Variants in XKR4 observed in about 807,000 individuals in gnomAD.
XKR4 encodes the protein XK related 4.
Under a neutral mutation model 53.9 loss-of-function variants are expected in XKR4, and 12 were observed. The observed-to-expected ratio is 0.22, with a 90% CI of 0.14 to 0.36. The LOEUF (loss-of-function observed/expected upper bound fraction) is 0.36. Among genes scored for constraint, XKR4 ranks in the 10% least tolerant of loss-of-function variants. The probability of loss-of-function intolerance (pLI) is 1.00; values close to 1 mark genes in which losing one functional copy is unlikely to be tolerated. For missense variants in XKR4, 799 were observed against 859.5 expected (o/e 0.93, Z 0.88); for synonymous variants, 354 against 362.4 (o/e 0.98, Z 0.26).
chr8:55,484,582 T>C (rs1233315731), intron 2 of XKR4, among the ~76,000 whole-genome samples: 2 of 152,206 alleles, frequency 1.3e-5, no homozygotes, highest in Non-Finnish European at 2.9e-5. Flanking sequence ...CATGACATGA[T>C]GTTTAATTTT....
chr8:55,472,323 A>T (rs1031867967), intron 2 of XKR4, among the ~76,000 whole-genome samples: 9 of 152,190 alleles, frequency 5.9e-5, no homozygotes, highest in African/African-American at 2.2e-4. Flanking sequence ...ACAATTCTCC[A>T]CATGCTAGTT....
chr8:55,268,288 G>A (rs1026251525), intron 1 of XKR4, among the ~76,000 whole-genome samples: 1 of 152,086 alleles, frequency 6.6e-6, no homozygotes, highest in African/African-American at 2.4e-5. Context: ...CATTTTAATT[G>A]AGATCTAGCA....
At chr8:55,126,070 C>A (rs1816464253) in intron 1 of XKR4, among the ~76,000 whole-genome samples, 1 of 151,838 alleles carries the variant, frequency 6.6e-6, no homozygotes, top group Non-Finnish European at 1.5e-5. Flanking sequence ...TCTGGTGCAT[C>A]TTATGTGATA....
intron 1 of XKR4, among the ~76,000 whole-genome samples, chr8:55,218,688 A>G (rs1372727005): frequency 6.6e-6 from 1 of 152,236 alleles, no homozygotes; most frequent in Admixed American, 6.5e-5. Flanking sequence ...TTCATACAGA[A>G]CATTTCAGTG....
intron 2 of XKR4, among the ~76,000 whole-genome samples, chr8:55,466,172 A>G (rs2129399138): frequency 6.6e-6 from 1 of 152,260 alleles, no homozygotes; most frequent in Non-Finnish European, 1.5e-5. Flanking sequence ...ATGCTGCTAT[A>G]AAGACACATG....
At chr8:55,164,133 C>T (rs994081305) in intron 1 of XKR4, 1 of 453,834 alleles carries the variant, frequency 2.2e-6, no homozygotes. Flanking sequence ...AGCCCCAGAC[C>T]AGCCCTACAG....
intron 1 of XKR4, among the ~76,000 whole-genome samples, chr8:55,357,080 G>A (rs754022045): frequency 6.6e-6 from 1 of 152,136 alleles, no homozygotes; most frequent in Non-Finnish European, 1.5e-5. Flanking sequence ...TAGTGAAGTG[G>A]AGAGTCAAAA....
At chr8:55,365,346 T>C (rs1563333492) in intron 2 of XKR4, among the ~76,000 whole-genome samples, 1 of 152,222 alleles carries the variant, frequency 6.6e-6, no homozygotes, top group Non-Finnish European at 1.5e-5. Flanking sequence ...TGGATTTTGC[T>C]TTTTGTGATG....
intron 2 of XKR4, among the ~76,000 whole-genome samples, chr8:55,478,706 T>C (rs1325204417): frequency 6.6e-6 from 1 of 151,976 alleles, no homozygotes; most frequent in Non-Finnish European, 1.5e-5. Context: ...TGGAGGAAGA[T>C]CTACCAAGCA....
intron 1 of XKR4, among the ~76,000 whole-genome samples, chr8:55,314,922 C>T (rs563450322): frequency 1.3e-5 from 2 of 152,240 alleles, no homozygotes; most frequent in East Asian, 1.9e-4. Flanking sequence ...GAATGTGTAT[C>T]CAGAGGGACT....
intron 2 of XKR4, among the ~76,000 whole-genome samples, chr8:55,497,953 G>A (rs1806379835): frequency 6.6e-6 from 1 of 152,040 alleles, no homozygotes; most frequent in African/African-American, 2.4e-5. Context: ...CCCCATCCCC[G>A]CTGCTGTTCC....
chr8:55,363,824 A>G (rs1049981242), intron 2 of XKR4, among the ~76,000 whole-genome samples: 3 of 152,092 alleles, frequency 2.0e-5, no homozygotes, highest in Admixed American at 2.0e-4. Flanking sequence ...GGATCTGCCT[A>G]CTCTGCAGTT....
chr8:55,370,657 T>G (rs1191384945), intron 2 of XKR4, among the ~76,000 whole-genome samples: 3 of 152,194 alleles, frequency 2.0e-5, no homozygotes, highest in Non-Finnish European at 4.4e-5. Flanking sequence ...GATTTTTTTC[T>G]TTGTCTTTCT....
chr8:55,436,423 T>A (rs970459977), intron 2 of XKR4, among the ~76,000 whole-genome samples: 1 of 152,204 alleles, frequency 6.6e-6, no homozygotes, highest in Non-Finnish European at 1.5e-5. Flanking sequence ...CCTGATCAGA[T>A]GCCTATATTT....
At chr8:55,247,855 C>CTTTTTTTTTTTTTTTTTTTTT (rs1166258777) in intron 1 of XKR4, among the ~76,000 whole-genome samples, 1 of 59,856 alleles carries the variant, frequency 1.7e-5, no homozygotes, top group African/African-American at 4.5e-5. Flanking sequence ...TTCTTTCTTT[C>CTTTTTTTTTTTTTTTTTTTTT]TTTTTTTTTT....
chr8:55,411,387 G>C (rs78831878), intron 2 of XKR4, among the ~76,000 whole-genome samples: 1 of 152,154 alleles, frequency 6.6e-6, no homozygotes, highest in African/African-American at 2.4e-5. Context: ...CTCAGTGAGC[G>C]TGAGCTTTGA....
chr8:55,192,873 G>A (rs1484064549), intron 1 of XKR4, among the ~76,000 whole-genome samples: 2 of 152,224 alleles, frequency 1.3e-5, no homozygotes, highest in Admixed American at 1.3e-4. Flanking sequence ...GGAAGAGGCT[G>A]TGGGGGCTTT....
chr8:55,116,412 G>A (rs118023570), intron 1 of XKR4, among the ~76,000 whole-genome samples: 1,940 of 152,230 alleles, frequency 0.013, 24 homozygotes, highest in Non-Finnish European at 0.02. Flanking sequence ...TCCTCACAGT[G>A]ACCCCTGAGG....
chr8:55,330,563 G>A (rs972732341), intron 1 of XKR4, among the ~76,000 whole-genome samples: 2 of 152,026 alleles, frequency 1.3e-5, no homozygotes, highest in Non-Finnish European at 2.9e-5. Context: ...TCCTCTTAAT[G>A]TCATGGATTT....
Sources: gnomAD v4.1 joint callset for allele counts (sites outside exome capture counted in the v4.1 genomes callset) on GRCh38, gnomAD v4.1.1 for gene constraint, MANE v1.5 for transcripts, NCBI Gene and HGNC (gene_info 2026-07-23, HGNC 2026-07-21) for gene names.